Variants in PRKCE observed in about 807,000 individuals in gnomAD.
The protein encoded by PRKCE is protein kinase C epsilon.
A neutral mutation model predicts 85.4 loss-of-function variants in PRKCE; 16 were observed. The observed-to-expected ratio is 0.19, with a 90% CI of 0.13 to 0.28. The LOEUF (loss-of-function observed/expected upper bound fraction) is 0.28, where lower values mean the gene tolerates loss of function less well. Ranked by LOEUF, PRKCE falls within the 10% of genes least tolerant of loss-of-function variation. The probability of loss-of-function intolerance (pLI) is 1.00; values close to 1 mark genes in which losing one functional copy is unlikely to be tolerated. For synonymous variants in PRKCE, 388 were observed against 371.5 expected (o/e 1.04, Z -0.51); for missense variants, 573 against 975.2 (o/e 0.59, Z 5.49).
chr2:45,754,167 C>T (rs1366080502), intron 1 of PRKCE, among the ~76,000 whole-genome samples: 1 of 152,128 alleles, frequency 6.6e-6, no homozygotes, highest in East Asian at 1.9e-4. Context: ...GTGGGGAAAG[C>T]AGGTTTGAGG....
At chr2:46,154,775 C>G (rs1677037539) in intron 13 of PRKCE, among the ~76,000 whole-genome samples, 1 of 150,880 alleles carries the variant, frequency 6.6e-6, no homozygotes, top group South Asian at 2.1e-4. Flanking sequence ...TTGTCCCCTT[C>G]CCTATCCACC....
chr2:46,048,981 C>T (rs1044872049), intron 10 of PRKCE, among the ~76,000 whole-genome samples: 1 of 151,676 alleles, frequency 6.6e-6, no homozygotes, highest in Non-Finnish European at 1.5e-5. Context: ...TCCATCTGAC[C>T]TACACAGGAG....
chr2:46,088,780 A>G lies in PRKCE; in HGVS notation c.1592+2418A>G, dbSNP rs185968069. Among the ~76,000 whole-genome samples, 4 of 152,230 alleles carry G rather than the reference A, an allele frequency of 2.6e-5. No homozygotes were observed. In the East Asian group the frequency reaches 7.7e-4, roughly 29 times the overall value. ...CGCCATTTCTTGAGATGCCTTCCCCATCTCTAATACAGTGAGTACAATCAC... is the reference window on the plus strand; with the variant it reads ...CGCCATTTCTTGAGATGCCTTCCCCGTCTCTAATACAGTGAGTACAATCAC... On this transcript the variant is annotated intron_variant, in intron 11 of 14. Transcript: ENST00000306156.
chr2:45,715,495 C>T (rs1680011319), intron 1 of PRKCE, among the ~76,000 whole-genome samples: 1 of 152,192 alleles, frequency 6.6e-6, no homozygotes, highest in Admixed American at 6.5e-5. Context: ...AAATCCCTCC[C>T]CTCTTGCTTC....
intron 1 of PRKCE, among the ~76,000 whole-genome samples, chr2:45,753,505 T>A (rs190768405): frequency 6.6e-6 from 1 of 152,334 alleles, no homozygotes; most frequent in East Asian, 1.9e-4. Context: ...TGATCTGTAG[T>A]CATAATTATG....
intron 2 of PRKCE, among the ~76,000 whole-genome samples, chr2:45,906,605 G>T (rs775435418): frequency 6.6e-6 from 1 of 152,102 alleles, no homozygotes; most frequent in Non-Finnish European, 1.5e-5. Flanking sequence ...TTCCAGGGCC[G>T]TCCTTTGATC....
intron 2 of PRKCE, among the ~76,000 whole-genome samples, chr2:45,894,679 A>T (rs1325480902): frequency 1.3e-5 from 2 of 152,042 alleles, no homozygotes; most frequent in Non-Finnish European, 2.9e-5. Context: ...GTTCCCTTCC[A>T]CTTCCTCTAA....
intron 10 of PRKCE, among the ~76,000 whole-genome samples, chr2:46,046,996 G>A (rs996704132): frequency 2.6e-5 from 4 of 152,180 alleles, no homozygotes; most frequent in Non-Finnish European, 4.4e-5. Flanking sequence ...ACTTAGTGGG[G>A]AAGGCCATGA....
chr2:45,764,926 A>G (rs971019294), intron 1 of PRKCE, among the ~76,000 whole-genome samples: 1 of 152,184 alleles, frequency 6.6e-6, no homozygotes, highest in South Asian at 2.1e-4. Context: ...CTTAGAGACA[A>G]TGGAGTCTCT....
intron 1 of PRKCE, among the ~76,000 whole-genome samples, chr2:45,761,326 C>CA (rs370710295): frequency 0.34 from 27,731 of 81,348 alleles, 6,044 homozygotes; most frequent in East Asian, 0.36. Context: ...GACTCCATCT[C>CA]AAAAAAAAAA....
intron 2 of PRKCE, among the ~76,000 whole-genome samples, chr2:45,870,936 T>G (rs545280065): frequency 6.6e-6 from 1 of 152,242 alleles, no homozygotes; most frequent in East Asian, 1.9e-4. Flanking sequence ...TCGGGGGGAA[T>G]GGGCTCCCCA....
chr2:46,086,519 T>C (rs1470509082), intron 11 of PRKCE, among the ~76,000 whole-genome samples, 157 bp downstream of exon 11: 2 of 152,208 alleles, frequency 1.3e-5, no homozygotes, highest in Non-Finnish European at 2.9e-5. Context: ...TTTTGGGGGC[T>C]GTTTATTCCT....
intron 1 of PRKCE, among the ~76,000 whole-genome samples, chr2:45,819,173 A>G (rs1479827678): frequency 1.3e-5 from 2 of 152,200 alleles, no homozygotes; most frequent in East Asian, 3.8e-4. Flanking sequence ...TGCATTTTAT[A>G]TAAATTAACT....
intron 1 of PRKCE, among the ~76,000 whole-genome samples, chr2:45,836,548 TG>T (rs1690892598): frequency 6.6e-6 from 1 of 152,238 alleles, no homozygotes; most frequent in African/African-American, 2.4e-5. Flanking sequence ...GAATGTCCCC[TG>T]CTCTGTCCAG....
intron 4 of PRKCE, 129 bp downstream of exon 4, chr2:45,979,139 TC>T: frequency 1.1e-6 from 1 of 896,390 alleles, no homozygotes; most frequent in Non-Finnish European, 1.8e-6. Context: ...CTTTCTTTGT[TC>T]CCACTTGACC....
chr2:45,681,071 A>G (rs181670058), intron 1 of PRKCE, among the ~76,000 whole-genome samples: 153 of 152,192 alleles, frequency 1.0e-3, no homozygotes, highest in African/African-American at 3.6e-3. Flanking sequence ...TGGGTGGATC[A>G]TGAGATAAGG....
chr2:45,723,045 G>C (rs1303409898), intron 1 of PRKCE, among the ~76,000 whole-genome samples: 1 of 152,202 alleles, frequency 6.6e-6, no homozygotes, highest in Non-Finnish European at 1.5e-5. Context: ...ACGTTGCAGT[G>C]AGCTGAGATC....
chr2:45,940,020 G>A (rs1048497399), intron 2 of PRKCE, among the ~76,000 whole-genome samples: 1 of 152,232 alleles, frequency 6.6e-6, no homozygotes, highest in South Asian at 2.1e-4. Flanking sequence ...TACAGCCTCA[G>A]AGAGTCTCCT....
intron 10 of PRKCE, among the ~76,000 whole-genome samples, chr2:46,072,485 A>C (rs970553140): frequency 1.3e-5 from 2 of 152,268 alleles, no homozygotes; most frequent in African/African-American, 4.8e-5. Context: ...CAACATGTCT[A>C]TAAGACTAAA....
Sources: gnomAD v4.1 joint callset for allele counts (sites outside exome capture counted in the v4.1 genomes callset) on GRCh38, gnomAD v4.1.1 for gene constraint, MANE v1.5 for transcripts, NCBI Gene and HGNC (gene_info 2026-07-23, HGNC 2026-07-21) for gene names.